Variants in ZFAND3 observed in about 807,000 individuals in gnomAD.
The protein encoded by ZFAND3 is zinc finger AN1-type containing 3.
ZFAND3 carries 10 observed loss-of-function variants against 29.6 expected under a neutral mutation model. That is an observed-to-expected ratio of 0.34 (90% confidence interval 0.21 to 0.57). The LOEUF (loss-of-function observed/expected upper bound fraction) is 0.57. ZFAND3 is among the 20% of genes least tolerant of loss of function. The pLI is 0.86. For synonymous variants in ZFAND3, 128 were observed against 112.6 expected, an observed-to-expected ratio of 1.14 and a Z score of -0.87; for missense variants, 230 against 304.5, an observed-to-expected ratio of 0.76 and a Z score of 1.82.
chr6:38,035,937 CAGTA>C (rs1763648151), intron 2 of ZFAND3, among the ~76,000 whole-genome samples: 1 of 152,170 alleles, frequency 6.6e-6, no homozygotes, highest in Non-Finnish European at 1.5e-5. Flanking sequence ...TACTAAATCT[CAGTA>C]AGAACTGGAG....
intron 4 of ZFAND3, among the ~76,000 whole-genome samples, chr6:38,089,169 C>T (rs998865844): frequency 6.6e-6 from 1 of 151,922 alleles, no homozygotes; most frequent in Non-Finnish European, 1.5e-5. Flanking sequence ...GGCTGGAGTA[C>T]AGTGGTACAG....
intron 4 of ZFAND3, among the ~76,000 whole-genome samples, chr6:38,103,657 C>G (rs1361234000): frequency 2.0e-5 from 3 of 152,170 alleles, no homozygotes; most frequent in Non-Finnish European, 4.4e-5. Context: ...AACTGAAGTT[C>G]TATCTAGTCT....
intron 1 of ZFAND3, among the ~76,000 whole-genome samples, chr6:37,878,984 C>T (rs189173268): frequency 7.6e-4 from 116 of 152,324 alleles, no homozygotes; most frequent in African/African-American, 2.6e-3. Flanking sequence ...TTGATTTTAG[C>T]ATTCTTGTGC....
intron 1 of ZFAND3, among the ~76,000 whole-genome samples, chr6:37,863,762 G>A (rs1025558355): frequency 6.6e-6 from 1 of 152,204 alleles, no homozygotes; most frequent in African/African-American, 2.4e-5. Flanking sequence ...AGGACAAGTA[G>A]CGTTTGGACA....
chr6:37,839,766 G>A (rs183560908), intron 1 of ZFAND3, among the ~76,000 whole-genome samples: 14 of 152,018 alleles, frequency 9.2e-5, no homozygotes, highest in Non-Finnish European at 1.6e-4. Flanking sequence ...ACCTGCCTCC[G>A]CCTCCCAAAG....
chr6:38,049,715 G>A (rs1387944117), intron 2 of ZFAND3, among the ~76,000 whole-genome samples: 1 of 152,138 alleles, frequency 6.6e-6, no homozygotes, highest in African/African-American at 2.4e-5. Context: ...GAAGATCATT[G>A]TCATCTTCTC....
chr6:37,994,477 G>T (rs1314754989), intron 2 of ZFAND3, among the ~76,000 whole-genome samples: 1 of 152,110 alleles, frequency 6.6e-6, no homozygotes, highest in Admixed American at 6.6e-5. Flanking sequence ...CTCAGAAATT[G>T]CCTGCCAACA....
At chr6:37,875,075 AATC>A (rs1344826851) in intron 1 of ZFAND3, among the ~76,000 whole-genome samples, 1 of 152,200 alleles carries the variant, frequency 6.6e-6, no homozygotes, top group Non-Finnish European at 1.5e-5. Context: ...GAAGAACAAT[AATC>A]ATTTTCATTT....
chr6:37,865,150 C>T (rs1428452622), intron 1 of ZFAND3, among the ~76,000 whole-genome samples: 3 of 152,100 alleles, frequency 2.0e-5, no homozygotes, highest in African/African-American at 7.2e-5. Flanking sequence ...TGCACTCCAG[C>T]CTGGGAGACT....
At chr6:38,149,951 A>G (rs1293667412) in intron 5 of ZFAND3, among the ~76,000 whole-genome samples, 1 of 152,198 alleles carries the variant, frequency 6.6e-6, no homozygotes, top group African/African-American at 2.4e-5. Context: ...GTACAGAAGT[A>G]TGTCAGGACT....
chr6:38,080,051 C>T (rs1299168901), intron 3 of ZFAND3, among the ~76,000 whole-genome samples: 2 of 148,008 alleles, frequency 1.4e-5, no homozygotes, highest in Non-Finnish European at 3.0e-5. Flanking sequence ...TTTAAAAGTT[C>T]CTCCAAAAAA....
intron 4 of ZFAND3, among the ~76,000 whole-genome samples, chr6:38,115,415 G>A (rs954484516): frequency 6.6e-6 from 1 of 152,156 alleles, no homozygotes; most frequent in African/African-American, 2.4e-5. Flanking sequence ...CTATTAGAGG[G>A]TTTTGAGCAG....
In ZFAND3 at chr6:37,867,544, G is replaced by C. The variant is rs546286973; in HGVS notation, c.71+47528G>C. On this transcript the variant is annotated intron_variant, in intron 1 of 5. Transcript: ENST00000287218. ...GTGGCACCCCTATTTAAGGAAAGGGGATTTGAGGTTGTTGTATGGGTCCTT... is the reference window on the plus strand; with the variant it reads ...GTGGCACCCCTATTTAAGGAAAGGGCATTTGAGGTTGTTGTATGGGTCCTT... Among the ~76,000 whole-genome samples the C allele has an allele frequency of 2.0e-5, 3 of 152,278 alleles. No homozygotes were observed. In the South Asian group the frequency reaches 6.2e-4, roughly 32 times the overall value.
At position 37,949,527 on chromosome 6, in the gene ZFAND3, C is replaced by T. The variant is rs1761960921; in HGVS notation, c.112+19528C>T. On this transcript the variant is annotated intron_variant, in intron 2 of 5. Coordinates refer to ENST00000287218, the MANE Select transcript of ZFAND3 (RefSeq NM_021943.3). The stretch of plus-strand genomic sequence containing the variant: ...AGTGCCAGATCCCACAGGTTGAGGG[C>T]TCCTTCCCCAAGACTGCTCCCTCCT... Among the ~76,000 whole-genome samples, 4 of 152,256 alleles carry T rather than the reference C, an allele frequency of 2.6e-5. No individual in the cohort carries two copies. The South Asian group carries it at 8.3e-4, about 32-fold the overall frequency.
chr6:38,092,311 G>A (rs554285819), intron 4 of ZFAND3, among the ~76,000 whole-genome samples: 1 of 152,320 alleles, frequency 6.6e-6, no homozygotes, highest in African/African-American at 2.4e-5. Flanking sequence ...AGTAGATTCT[G>A]TAGGAACATG....
At chr6:37,948,307 A>C (rs1338246866) in intron 2 of ZFAND3, among the ~76,000 whole-genome samples, 1 of 152,224 alleles carries the variant, frequency 6.6e-6, no homozygotes, top group Non-Finnish European at 1.5e-5. Flanking sequence ...TAGCATTTTT[A>C]CATCTTTATA....
At position 38,153,889 on chromosome 6, in the gene ZFAND3, A is replaced by G. The variant is rs1437507746; in HGVS notation, c.*1500A>G. ...ACACATAGGCTACTGGAATAGTTTA[A>G]CCCAGCAACTTTCCTTTTTATAAAA... On this transcript the variant is annotated 3_prime_UTR_variant, in exon 6 of 6. Transcript: ENST00000287218. 2.0e-6 allele frequency: 2 copies of G among 985,316 alleles called. No individual in the cohort carries two copies. The highest frequency in any genetic ancestry group is 3.5e-5 in the African/African-American group (2 of 57,226). 61.0% of individuals were successfully genotyped at this position (985,316 alleles called of 1,614,324 possible). A position where few individuals can be genotyped will look rare whatever the true frequency, so the allele number is the denominator to read the frequency against.
chr6:37,861,423 G>T (rs1337805193), intron 1 of ZFAND3, among the ~76,000 whole-genome samples: 1 of 152,106 alleles, frequency 6.6e-6, no homozygotes, highest in East Asian at 1.9e-4. Flanking sequence ...GAAAAGGACA[G>T]GCATTCCAGG....
At chr6:37,931,451 A>C (rs1761592601) in intron 2 of ZFAND3, among the ~76,000 whole-genome samples, 2 of 151,454 alleles carry the variant, frequency 1.3e-5, no homozygotes. Flanking sequence ...AGGCTGAGGC[A>C]GGAGAATTGC....
Sources: allele counts gnomAD v4.1 joint callset (sites outside exome capture counted in the v4.1 genomes callset), GRCh38; gene constraint gnomAD v4.1.1; transcripts MANE v1.5; gene names NCBI Gene and HGNC (gene_info 2026-07-23, HGNC 2026-07-21).